Variants in SRPX observed in about 807,000 individuals in gnomAD.
The protein encoded by SRPX is sushi repeat containing protein X-linked.
Under a neutral mutation model 38.1 loss-of-function variants are expected in SRPX, and 24 were observed. The ratio of observed to expected loss-of-function variants is 0.63; its 90% CI spans 0.46 to 0.89. SRPX has a LOEUF of 0.89. Among genes scored for constraint, SRPX ranks in the 40% least tolerant of loss-of-function variants. The probability of loss-of-function intolerance (pLI) is 0.00; values close to 1 mark genes in which losing one functional copy is unlikely to be tolerated. For missense variants in SRPX, 416 were observed against 377.8 expected (o/e 1.10, Z -0.84); for synonymous variants, 184 against 153.8 (o/e 1.20, Z -1.45).
chrX:38,197,551 A>G (rs182087134), intron 1 of SRPX, among the ~76,000 whole-genome samples: 9 of 112,118 alleles, frequency 8.0e-5, no homozygotes, highest in Admixed American at 7.6e-4. Flanking sequence ...CATATCTATC[A>G]CCTCAAATAT....
chrX:38,171,115 G>A (rs755308352), intron 4 of SRPX, among the ~76,000 whole-genome samples: 56 of 111,430 alleles, frequency 5.0e-4, no homozygotes, highest in Non-Finnish European at 2.5e-4. Context: ...CTAAAGCATC[G>A]TTTAGCAGAA....
rs761638155 is a variant in SRPX, at chrX:38,167,427, G to A, written c.527-2532C>T. Among the ~76,000 whole-genome samples the A allele has an allele frequency of 5.5e-4, 61 of 111,325 alleles. No individual in the cohort carries two copies. In the South Asian group the frequency reaches 0.024, roughly 43 times the overall value. On this transcript the variant is annotated intron_variant, in intron 4 of 9. Transcript: ENST00000378533. ...AGCTGCCTTCTCTCTCGGCTGGTGA[G>A]ACAAGCTGGTCTGCCCTTCAGCTGA...
intron 9 of SRPX, among the ~76,000 whole-genome samples, chrX:38,151,659 A>G (rs1019022366): frequency 9.0e-6 from 1 of 111,335 alleles, no homozygotes; most frequent in African/African-American, 3.3e-5. Flanking sequence ...CAGCAGCCAC[A>G]GGAATGCATC....
At chrX:38,182,758 G>A (rs5918492) in intron 1 of SRPX, among the ~76,000 whole-genome samples, 35,558 of 110,646 alleles carry the variant, frequency 0.32, 4,694 homozygotes, top group Non-Finnish European at 0.42. Flanking sequence ...TATTGTGTAA[G>A]GATAAACGTC....
chrX:38,204,718 A>C (rs1402603822), intron 1 of SRPX, among the ~76,000 whole-genome samples: 1 of 112,416 alleles, frequency 8.9e-6, no homozygotes, highest in African/African-American at 3.2e-5. Flanking sequence ...TTAAGCACTC[A>C]GCATTGAATT....
chrX:38,174,159 C>T lies in SRPX; in HGVS notation c.349+1G>A, dbSNP rs1478915897. ...ACCCAACACAGAGCTGGCCTACTCA[C>T]GTTTGCAGATGACCTTGTCAGACCA... is the stretch of plus-strand genomic sequence containing the variant. On this transcript the variant is annotated splice_donor_variant, in intron 3 of 9. Coordinates refer to ENST00000378533, the MANE Select transcript of SRPX (RefSeq NM_006307.5). LOFTEE classifies it high-confidence loss of function. 8 of 1,080,494 alleles carry T rather than the reference C, an allele frequency of 7.4e-6. No homozygotes were observed. The highest frequency in any genetic ancestry group is 2.9e-4 in the Middle Eastern group (1 of 3,448). The allele number at this position is 1,080,494 out of a possible 1,213,427, so 89.0% of individuals were successfully genotyped here. A position where few individuals can be genotyped will look rare whatever the true frequency, so the allele number is the denominator to read the frequency against.
At chrX:38,217,124 G>T (rs918672648) in intron 1 of SRPX, among the ~76,000 whole-genome samples, 1 of 112,521 alleles carries the variant, frequency 8.9e-6, no homozygotes, top group Non-Finnish European at 1.9e-5. Context: ...AAATATCCAT[G>T]TGGCACAAAG....
rs80064016 is a variant in SRPX, at chrX:38,163,181, G to A, written c.653+1588C>T. Among the ~76,000 whole-genome samples, 3 of 112,511 alleles carry A rather than the reference G, an allele frequency of 2.7e-5. No individual in the cohort carries two copies. The East Asian group carries it at 8.3e-4, about 31-fold the overall frequency. On this transcript the variant is annotated intron_variant, in intron 5 of 9. Coordinates refer to ENST00000378533, the MANE Select transcript of SRPX (RefSeq NM_006307.5). ...TTTTTAATGGTCAAACTTTATCTTTGAGAAGTTACAATGGGAGAGCATAAC... is the reference window on the plus strand; with the variant it reads ...TTTTTAATGGTCAAACTTTATCTTTAAGAAGTTACAATGGGAGAGCATAAC...
intron 3 of SRPX, among the ~76,000 whole-genome samples, chrX:38,172,485 A>G (rs776443096): frequency 8.9e-6 from 1 of 112,948 alleles, no homozygotes; most frequent in South Asian, 3.6e-4. Flanking sequence ...TTAAGAAACA[A>G]TGGATGGTTT....
intron 1 of SRPX, among the ~76,000 whole-genome samples, chrX:38,184,025 A>C (rs1194566217): frequency 1.8e-5 from 2 of 111,456 alleles, no homozygotes; most frequent in Non-Finnish European, 3.8e-5. Context: ...TTCATTCTGA[A>C]TGTCCAGGTA....
At chrX:38,193,992 A>C (rs5918494) in intron 1 of SRPX, among the ~76,000 whole-genome samples, 41,245 of 110,451 alleles carry the variant, frequency 0.37, 6,098 homozygotes, top group East Asian at 0.69. Context: ...TTCTGAGGAT[A>C]ACTGCCAAAA....
chrX:38,153,577 G>A (rs748664602), intron 9 of SRPX, among the ~76,000 whole-genome samples: 38 of 111,337 alleles, frequency 3.4e-4, no homozygotes, highest in African/African-American at 1.2e-3. Context: ...CAGAAAGACT[G>A]CATTTCCCAG....
intron 4 of SRPX, among the ~76,000 whole-genome samples, chrX:38,166,445 C>T (rs943785297): frequency 9.0e-6 from 1 of 111,725 alleles, no homozygotes; most frequent in Non-Finnish European, 1.9e-5. Flanking sequence ...AAATGCATCC[C>T]TATTTCAGGG....
At chrX:38,181,698 C>T (rs1002209236) in intron 1 of SRPX, among the ~76,000 whole-genome samples, 1 of 111,846 alleles carries the variant, frequency 8.9e-6, no homozygotes, top group African/African-American at 3.3e-5. Flanking sequence ...TTGTGAGTAC[C>T]TTATTTCCTG....
chrX:38,154,173 C>CCTCT (rs2147760956), intron 9 of SRPX: 1 of 256,767 alleles, frequency 3.9e-6, no homozygotes. Context: ...TTCAGGTGCT[C>CCTCT]CTCTCCTAAC....
chrX:38,149,922 T>G, intron 9 of SRPX, 28 bp from the exon 10 acceptor site: 4 of 1,166,452 alleles, frequency 3.4e-6, no homozygotes, highest in Non-Finnish European at 4.6e-6. Flanking sequence ...AAGAGGAGAC[T>G]AAGTCAAACC....
intron 1 of SRPX, among the ~76,000 whole-genome samples, chrX:38,179,599 T>C (rs910846213): frequency 3.6e-5 from 4 of 111,802 alleles, no homozygotes; most frequent in Admixed American, 1.9e-4. Flanking sequence ...TAATGAGTAA[T>C]GGTCCCTGTT....
At chrX:38,155,178 A>G (rs918694771) in intron 8 of SRPX, among the ~76,000 whole-genome samples, 1 of 112,231 alleles carries the variant, frequency 8.9e-6, no homozygotes, top group Non-Finnish European at 1.9e-5. Context: ...TAAATGGGAA[A>G]AGAAATTTTG....
chrX:38,169,812 G>A (rs1034801855), intron 4 of SRPX, among the ~76,000 whole-genome samples: 1 of 111,823 alleles, frequency 8.9e-6, no homozygotes, highest in Non-Finnish European at 1.9e-5. Flanking sequence ...TTTACATGAG[G>A]ACTTGTTGTG....
Sources: gnomAD v4.1 joint callset for allele counts (sites outside exome capture counted in the v4.1 genomes callset) on GRCh38, gnomAD v4.1.1 for gene constraint, MANE v1.5 for transcripts, NCBI Gene and HGNC (gene_info 2026-07-23, HGNC 2026-07-21) for gene names.